OR4A15: variants seen among roughly 807,000 people sequenced by gnomAD.
OR4A15 encodes the protein olfactory receptor family 4 subfamily A member 15.
For synonymous variants in OR4A15, 240 were observed against 135.6 expected, an observed-to-expected ratio of 1.77 and a Z score of -5.35; for missense variants, 657 against 374.7, an observed-to-expected ratio of 1.75 and a Z score of -6.22.
In OR4A15 at chr11:55,368,035, G is replaced by C. The variant is rs1263727903; in HGVS notation, c.62G>C (p.Gly21Ala). ...TTAGGGCTCACACAGAACCCTGAGG[G>C]GCAAAAGGTTTTATTTGTCACATTC... is the stretch of plus-strand genomic sequence containing the variant. The change falls in exon 1 of 1, where the codon GGG becomes GCG. Residue 21 changes from glycine (G) to alanine (A), a missense_variant. By Grantham distance (60) the Gly-to-Ala change is moderately conservative. Coordinates refer to ENST00000641526, the Ensembl canonical transcript of OR4A15. 3 of 1,613,416 alleles carry C rather than the reference G, an allele frequency of 1.9e-6. No individual in the cohort carries two copies. In the Admixed American group the frequency reaches 5.0e-5, roughly 27 times the overall value.
At chr11:55,368,050 T>C in exon 1 of OR4A15, 1 of 1,613,616 alleles carries the variant, frequency 6.2e-7, no homozygotes, top group South Asian at 1.1e-5. Flanking sequence ...AAGGTTTTAT[T>C]TGTCACATTC....
At chr11:55,368,792 A>G (rs775010956) in exon 1 of OR4A15, 13 of 1,613,490 alleles carry the variant, frequency 8.1e-6, no homozygotes, top group Non-Finnish European at 1.7e-6. Context: ...CTGTAGTTCT[A>G]ACTTTTATAA....
exon 1 of OR4A15, chr11:55,368,020 C>T (rs372284312): frequency 2.5e-6 from 4 of 1,613,370 alleles, no homozygotes; most frequent in Non-Finnish European, 2.5e-6. Flanking sequence ...TTAGGGCTCA[C>T]ACAGAACCCT....
chr11:55,368,013 G>C, exon 1 of OR4A15: 2 of 1,613,408 alleles, frequency 1.2e-6, no homozygotes, highest in African/African-American at 1.3e-5. Flanking sequence ...TATCCTCTTA[G>C]GGCTCACACA....
chr11:55,368,090 C>A lies in OR4A15; in HGVS notation c.117C>A (p.Gly39=), dbSNP rs142258292. The A allele has an allele frequency of 5.5e-3, 8,911 of 1,613,140 alleles. 51 individuals carry two copies. The highest frequency in any genetic ancestry group is 0.011 in the South Asian group (975 of 91,046). Residue 39 remains glycine, a synonymous_variant, in exon 1 of 1, where the codon GGC becomes GGA. Coordinates refer to ENST00000641526, the Ensembl canonical transcript of OR4A15. ...TAATCTACATGGTGACGATAATGGG[C>A]AACCTGCTTATCATAGTGACCATCA...
At chr11:55,368,695 A>T in exon 1 of OR4A15, 1 of 1,613,690 alleles carries the variant, frequency 6.2e-7, no homozygotes, top group Non-Finnish European at 8.5e-7. Flanking sequence ...TGTGCATCCC[A>T]CGTCACTGTG....
chr11:55,368,246 C>G lies in OR4A15; in HGVS notation c.273C>G (p.Ser91=), dbSNP rs200584338. 6 of 1,613,720 alleles carry G rather than the reference C, an allele frequency of 3.7e-6. No homozygotes were observed. In the South Asian group the frequency reaches 4.4e-5, roughly 12 times the overall value. The change falls in exon 1 of 1, where the codon TCC becomes TCG. Residue 91 remains serine, a synonymous_variant. Coordinates refer to ENST00000641526, the Ensembl canonical transcript of OR4A15. ...TGCTCTCTGAGAAAAAGACCATTTC[C>G]TTTCAGGGTTGTATGGCTCAACTTT... is the stretch of plus-strand genomic sequence containing the variant.
exon 1 of OR4A15, chr11:55,368,423 C>T (rs752016531): frequency 8.1e-6 from 13 of 1,612,796 alleles, no homozygotes; most frequent in Non-Finnish European, 1.0e-5. Flanking sequence ...GGATTGGAGG[C>T]TTTCTTCACT....
exon 1 of OR4A15, chr11:55,368,816 C>G: frequency 6.2e-7 from 1 of 1,613,232 alleles, no homozygotes; most frequent in Non-Finnish European, 8.5e-7. Context: ...CCATGCTGAA[C>G]CCACTAATCT....
At position 55,368,089 on chromosome 11, in the gene OR4A15, G is replaced by A. The variant is rs202169193; in HGVS notation, c.116G>A (p.Gly39Asp). The change falls in exon 1 of 1, where the codon GGC (glycine) becomes GAC (aspartate). Residue 39 changes from glycine to aspartate, a missense_variant. Transcript: ENST00000641526. ...CTAATCTACATGGTGACGATAATGG[G>A]CAACCTGCTTATCATAGTGACCATC... 19 of 1,613,030 alleles carry A rather than the reference G, an allele frequency of 1.2e-5. No homozygotes were observed. The African/African-American group carries it at 2.0e-4, about 17-fold the overall frequency.
chr11:55,368,540 T>C (rs773010996), exon 1 of OR4A15: 2 of 1,613,408 alleles, frequency 1.2e-6, no homozygotes, highest in Middle Eastern at 1.7e-4. Flanking sequence ...CTTGCACCAA[T>C]ACCTATGTCA....
chr11:55,368,565 A>G lies in OR4A15; in HGVS notation c.592A>G (p.Ile198Val). Residue 198 changes from isoleucine to valine, a missense_variant, in exon 1 of 1, where the codon ATA (isoleucine) becomes GTA (valine). By Grantham distance (29) the Ile-to-Val change is conservative. Transcript: ENST00000641526. ...TACCTATGTCACTGGGCTTTCTATG[A>G]TAGCTAATGGAGGAGCGATTTGTGC... is the stretch of plus-strand genomic sequence containing the variant. 1.2e-6 allele frequency: 2 copies of G among 1,613,562 alleles called. No individual in the cohort carries two copies. Among genetic ancestry groups the G allele is most frequent in the Non-Finnish European group, 1.7e-6 (2 of 1,179,758 alleles).
At chr11:55,368,412 T>G (rs76240248) in exon 1 of OR4A15, 1 of 1,613,506 alleles carries the variant, frequency 6.2e-7, no homozygotes, top group African/African-American at 1.3e-5. Flanking sequence ...GTTGGCGGCC[T>G]GGATTGGAGG....
chr11:55,368,686 G>T (rs773785451), exon 1 of OR4A15: 8 of 1,613,672 alleles, frequency 5.0e-6, no homozygotes, highest in East Asian at 2.2e-5. Context: ...TTCTACACCT[G>T]TGCATCCCAC....
exon 1 of OR4A15, chr11:55,368,824 T>C (rs1431982444): frequency 1.2e-6 from 2 of 1,613,448 alleles, no homozygotes; most frequent in East Asian, 2.2e-5. Flanking sequence ...AACCCACTAA[T>C]CTATACCCTG....
At chr11:55,368,214 G>A (rs964159878) in exon 1 of OR4A15, 2 of 1,613,532 alleles carry the variant, frequency 1.2e-6, no homozygotes, top group Non-Finnish European at 1.7e-6. Flanking sequence ...CAAAATGATT[G>A]TTGACTTGCT....
rs1853881983 is a variant in OR4A15 at position 55,368,348 on chromosome 11, T to A, written c.375T>A (p.Cys125Ter). The A allele has an allele frequency of 6.2e-7, 1 of 1,613,302 alleles. No homozygotes were observed. The highest frequency in any genetic ancestry group is 8.5e-7 in the Non-Finnish European group (1 of 1,179,332). ...CCTATGATCGATACATGGCCATCTG[T>A]AAGCCTCTTCATGAATTGATCACCA... Residue 125 changes from cysteine to a stop codon, truncating the protein, a stop_gained, in exon 1 of 1, where the codon TGT becomes TGA. Transcript: ENST00000641526. LOFTEE classifies it low-confidence loss of function (END_TRUNC).
At position 55,368,040 on chromosome 11, in the gene OR4A15, A is replaced by T. The variant is rs772254238; in HGVS notation, c.67A>T (p.Lys23Ter). Reference sequence around the variant, plus strand: ...GCTCACACAGAACCCTGAGGGGCAAAAGGTTTTATTTGTCACATTCTTACT... The same window carrying T: ...GCTCACACAGAACCCTGAGGGGCAATAGGTTTTATTTGTCACATTCTTACT... Residue 23 changes from lysine (K) to a stop codon, truncating the protein, a stop_gained, in exon 1 of 1, where the codon AAG (lysine) becomes TAG (stop). Coordinates refer to ENST00000641526, the Ensembl canonical transcript of OR4A15. LOFTEE classifies it low-confidence loss of function (END_TRUNC). 3.7e-6 allele frequency: 6 copies of T among 1,613,478 alleles called. No homozygotes were observed. Among genetic ancestry groups the T allele is most frequent in the Non-Finnish European group, 5.1e-6 (6 of 1,179,850 alleles).
exon 1 of OR4A15, chr11:55,368,757 A>T (rs1230783782): frequency 1.2e-6 from 2 of 1,613,774 alleles, no homozygotes; most frequent in East Asian, 2.2e-5. Context: ...GCCCAATTCT[A>T]CTTTTCCCAT....
Sources: gnomAD v4.1 joint callset for allele counts on GRCh38, gnomAD v4.1.1 for gene constraint, MANE v1.5 for transcripts, NCBI Gene and HGNC (gene_info 2026-07-23, HGNC 2026-07-21) for gene names.